PCLAF: variants seen among roughly 807,000 people sequenced by gnomAD.
The protein encoded by PCLAF is PCNA clamp associated factor.
In PCLAF, 12 loss-of-function variants were observed where a neutral mutation model predicts 15.1. That is an observed-to-expected ratio of 0.79 (90% CI 0.51 to 1.29). PCLAF has a LOEUF of 1.29. Among genes scored for constraint, PCLAF ranks in the 50% most tolerant of loss-of-function variants. The pLI, the probability that PCLAF is intolerant of heterozygous loss-of-function variation, is 0.00. For synonymous variants in PCLAF, 33 were observed against 47.1 expected (o/e 0.70, Z 1.22); for missense variants, 116 against 130.9 (o/e 0.89, Z 0.56).
chr15:64,377,014 T>A, intron 2 of PCLAF, 109 bp from the exon 3 acceptor site: 5 of 820,224 alleles, frequency 6.1e-6, no homozygotes, highest in East Asian at 2.7e-5. Flanking sequence ...TATTAAATAA[T>A]CTTTATTTAA....
At chr15:64,378,288 A>G (rs969933191) in intron 2 of PCLAF, among the ~76,000 whole-genome samples, 1 of 152,150 alleles carries the variant, frequency 6.6e-6, no homozygotes, top group Admixed American at 6.6e-5. Context: ...TTGCCTTTTT[A>G]TAAAGTAATG....
intron 1 of PCLAF, among the ~76,000 whole-genome samples, chr15:64,386,599 A>C (rs1179793985): frequency 3.9e-5 from 6 of 151,976 alleles, no homozygotes; most frequent in Admixed American, 3.9e-4. Flanking sequence ...CTGGCATTAC[A>C]GGCATGAGCC....
intron 3 of PCLAF, among the ~76,000 whole-genome samples, chr15:64,366,576 A>G (rs1899041514): frequency 6.6e-6 from 1 of 152,116 alleles, no homozygotes; most frequent in South Asian, 2.1e-4. Context: ...AGTGACTTAC[A>G]CTCATAATCC....
chr15:64,374,130 A>G (rs896783995), intron 3 of PCLAF, among the ~76,000 whole-genome samples: 2 of 152,240 alleles, frequency 1.3e-5, no homozygotes, highest in African/African-American at 4.8e-5. Flanking sequence ...CATATAGTAC[A>G]TATACATGTA....
At chr15:64,379,160 A>G (rs1254913329) in intron 2 of PCLAF, among the ~76,000 whole-genome samples, 4 of 152,016 alleles carry the variant, frequency 2.6e-5, no homozygotes. Context: ...ACAGTGGACC[A>G]GACGATGAGA....
intron 1 of PCLAF, chr15:64,387,362 A>C: frequency 1.3e-6 from 1 of 797,882 alleles, no homozygotes; most frequent in Non-Finnish European, 1.6e-6. Context: ...AGCCTGGGCG[A>C]CAGTGCGAGA....
intron 3 of PCLAF, among the ~76,000 whole-genome samples, chr15:64,375,149 G>C (rs2058036660): frequency 6.6e-6 from 1 of 151,884 alleles, no homozygotes; most frequent in Non-Finnish European, 1.5e-5. Context: ...TTTTGAGATG[G>C]AGTCTCGCTC....
chr15:64,373,417 C>G (rs1899437425), intron 3 of PCLAF: 1 of 337,228 alleles, frequency 3.0e-6, no homozygotes, highest in African/African-American at 2.1e-5. Context: ...TTTTTCCTTG[C>G]CACATTGAAC....
chr15:64,370,745 T>C (rs1200377901), intron 3 of PCLAF, among the ~76,000 whole-genome samples: 1 of 151,346 alleles, frequency 6.6e-6, no homozygotes. Context: ...TCAAGTCCAC[T>C]TATGCTTAGG....
intron 2 of PCLAF, among the ~76,000 whole-genome samples, chr15:64,378,189 G>C (rs1467386096): frequency 6.6e-6 from 1 of 152,086 alleles, no homozygotes; most frequent in Non-Finnish European, 1.5e-5. Context: ...GCCTCCCAAA[G>C]TGCTGGGATT....
At chr15:64,383,600 CAA>C (rs771329025), upstream of PCLAF, among the ~76,000 whole-genome samples, 3 of 152,136 alleles carry the variant, frequency 2.0e-5, no homozygotes, top group Non-Finnish European at 4.4e-5. Flanking sequence ...CTCCTGACCT[CAA>C]GTGATCTGCC....
intron 3 of PCLAF, among the ~76,000 whole-genome samples, chr15:64,368,033 A>G (rs1899118840): frequency 6.6e-6 from 1 of 151,892 alleles, no homozygotes; most frequent in South Asian, 2.1e-4. Flanking sequence ...AAATGAAGGC[A>G]CTCAGATTTG....
intron 3 of PCLAF, among the ~76,000 whole-genome samples, chr15:64,368,881 T>C (rs1899161206): frequency 6.6e-6 from 1 of 152,194 alleles, no homozygotes; most frequent in Admixed American, 6.6e-5. Context: ...TGCCAAATAT[T>C]TTATTTCCTT....
At chr15:64,380,121 G>A (rs1454958164) in intron 2 of PCLAF, among the ~76,000 whole-genome samples, 3 of 151,996 alleles carry the variant, frequency 2.0e-5, no homozygotes, top group African/African-American at 7.2e-5. Context: ...GGTGGATCAC[G>A]TCTGTGTTCC....
At chr15:64,371,020 G>C (rs1305843280) in intron 3 of PCLAF, among the ~76,000 whole-genome samples, 2 of 141,180 alleles carry the variant, frequency 1.4e-5, no homozygotes, top group Non-Finnish European at 3.0e-5. Flanking sequence ...CCAGGCTGGA[G>C]TGCAGTAGCG....
intron 3 of PCLAF, chr15:64,373,776 G>C (rs1005299479): frequency 3.5e-5 from 54 of 1,535,436 alleles, no homozygotes; most frequent in Non-Finnish European, 4.5e-5. Flanking sequence ...TGGTGCAGGG[G>C]AGATAGCAAG....
At chr15:64,385,638 G>GA (rs985914234), upstream of PCLAF, among the ~76,000 whole-genome samples, 161 of 145,160 alleles carry the variant, frequency 1.1e-3, no homozygotes, top group African/African-American at 3.1e-3. Context: ...AAAAGAAAAA[G>GA]AAAAAAAAAA....
At chr15:64,385,856 T>G (rs1295494664), upstream of PCLAF, among the ~76,000 whole-genome samples, 3 of 152,074 alleles carry the variant, frequency 2.0e-5, no homozygotes, top group Non-Finnish European at 4.4e-5. Context: ...TGAGACACTC[T>G]TCTCAGACTT....
intron 3 of PCLAF, among the ~76,000 whole-genome samples, chr15:64,371,416 C>G (rs1264504174): frequency 6.6e-6 from 1 of 152,122 alleles, no homozygotes; most frequent in Non-Finnish European, 1.5e-5. Flanking sequence ...CAGGCACTCA[C>G]CACCACGCCC....
Sources: gnomAD v4.1 joint callset for allele counts (sites outside exome capture counted in the v4.1 genomes callset) on GRCh38, gnomAD v4.1.1 for gene constraint, MANE v1.5 for transcripts, NCBI Gene and HGNC (gene_info 2026-07-23, HGNC 2026-07-21) for gene names.